PLXNA4: variants seen among roughly 807,000 people sequenced by gnomAD.
PLXNA4 encodes the protein plexin A4, also known as plexin-A4.
In PLXNA4, 44 loss-of-function variants were observed where a neutral mutation model predicts 191.8. The observed-to-expected ratio is 0.23, with a 90% CI of 0.18 to 0.29. PLXNA4 has a LOEUF of 0.29. Among genes scored for constraint, PLXNA4 ranks in the 10% least tolerant of loss-of-function variants. The probability of loss-of-function intolerance (pLI) is 1.00; values close to 1 mark genes in which losing one functional copy is unlikely to be tolerated. For missense variants in PLXNA4, 1,800 were observed against 2,488.8 expected (o/e 0.72, Z 5.89); for synonymous variants, 1,082 against 1,009.5 (o/e 1.07, Z -1.36).
intron 9 of PLXNA4, among the ~76,000 whole-genome samples, chr7:132,214,757 G>C (rs1034617362): frequency 1.3e-5 from 2 of 152,156 alleles, no homozygotes; most frequent in African/African-American, 4.8e-5. Context: ...CACCCAGCAG[G>C]AGTCTGGCTG....
Position 132,596,192 on chromosome 7 carries a change from T to G in PLXNA4, c.-87+49736A>C, listed in dbSNP as rs777754107. Among the ~76,000 whole-genome samples the G allele has an allele frequency of 3.0e-4, 45 of 152,340 alleles. 1 individual carries two copies. Among genetic ancestry groups the G allele is most frequent in the Non-Finnish European group, 6.3e-4 (43 of 68,034 alleles). ...ATAGTTTTGTAAGTGTTGTATATTC[T>G]TGATTTGTATGATTGCTTGTTTCTG... On this transcript the variant is annotated intron_variant, in intron 2 of 4. Transcript: ENST00000378539.
chr7:132,359,381 G>A (rs758280547), intron 3 of PLXNA4, among the ~76,000 whole-genome samples: 2 of 151,642 alleles, frequency 1.3e-5, no homozygotes, highest in Admixed American at 6.6e-5. Flanking sequence ...CCACCATGCC[G>A]GATTTTTGTA....
chr7:132,463,294 C>A (rs1402729667), intron 3 of PLXNA4, among the ~76,000 whole-genome samples: 2 of 152,102 alleles, frequency 1.3e-5, no homozygotes, highest in Admixed American at 1.3e-4. Flanking sequence ...TAGGTTTGAT[C>A]AGTCAGTGGA....
At chr7:132,259,378 G>C (rs11773091) in intron 4 of PLXNA4, among the ~76,000 whole-genome samples, 80,535 of 141,156 alleles carry the variant, frequency 0.57, 23,148 homozygotes, top group East Asian at 0.73. Flanking sequence ...AGAGGTTGCA[G>C]TGAGCCAAGA....
chr7:132,392,225 G>A (rs1361256539), intron 3 of PLXNA4, among the ~76,000 whole-genome samples: 1 of 152,130 alleles, frequency 6.6e-6, no homozygotes, highest in Admixed American at 6.6e-5. Flanking sequence ...TAAGTTCCTG[G>A]AGGGCAGCAT....
At chr7:132,498,712 A>C (rs1053982183) in intron 2 of PLXNA4, among the ~76,000 whole-genome samples, 1 of 152,198 alleles carries the variant, frequency 6.6e-6, no homozygotes, top group African/African-American at 2.4e-5. Context: ...ATAAGTGGGG[A>C]CTATCATATG....
At chr7:132,505,688 C>T (rs1231458161) in intron 2 of PLXNA4, among the ~76,000 whole-genome samples, 1 of 152,170 alleles carries the variant, frequency 6.6e-6, no homozygotes, top group African/African-American at 2.4e-5. Context: ...TTGAGATACT[C>T]AATGCAAAAT....
intron 3 of PLXNA4, among the ~76,000 whole-genome samples, chr7:132,346,009 A>G (rs968444137): frequency 3.3e-5 from 5 of 152,190 alleles, no homozygotes; most frequent in Non-Finnish European, 7.3e-5. Context: ...ATATCATCCC[A>G]GAGCTGGTAC....
At chr7:132,130,765 G>A (rs1005612544) in intron 31 of PLXNA4, among the ~76,000 whole-genome samples, 191 bp from the exon 32 acceptor site, 2 of 152,200 alleles carry the variant, frequency 1.3e-5, no homozygotes, top group African/African-American at 4.8e-5. Flanking sequence ...GGCATAGCAT[G>A]TGAGCATCAG....
intron 3 of PLXNA4, among the ~76,000 whole-genome samples, chr7:132,337,655 C>T (rs898481007): frequency 1.3e-5 from 2 of 152,200 alleles, no homozygotes; most frequent in Non-Finnish European, 2.9e-5. Context: ...TGAGAAAAGA[C>T]AGCCAAGGTA....
At chr7:132,519,187 G>A (rs1448109527) in intron 1 of PLXNA4, among the ~76,000 whole-genome samples, 1 of 152,230 alleles carries the variant, frequency 6.6e-6, no homozygotes, top group Non-Finnish European at 1.5e-5. Context: ...CAGGAATTTG[G>A]AGTCAGATGC....
At chr7:132,614,825 G>C (rs896209183) in intron 2 of PLXNA4, among the ~76,000 whole-genome samples, 8 of 152,190 alleles carry the variant, frequency 5.3e-5, no homozygotes, top group Non-Finnish European at 1.5e-5. Flanking sequence ...ACTGAGCCGC[G>C]GAGAAAAGCA....
At chr7:132,585,855 C>T (rs1412566337) in intron 2 of PLXNA4, among the ~76,000 whole-genome samples, 1 of 152,152 alleles carries the variant, frequency 6.6e-6, no homozygotes, top group Admixed American at 6.5e-5. Context: ...AACCTAATTA[C>T]CTCCCAAAGG....
intron 1 of PLXNA4, among the ~76,000 whole-genome samples, chr7:132,511,804 T>C (rs1798725498): frequency 6.6e-6 from 1 of 152,204 alleles, no homozygotes; most frequent in Non-Finnish European, 1.5e-5. Flanking sequence ...AATTCAAATA[T>C]CAAAGAAGAA....
chr7:132,524,279 G>A (rs1799312192), intron 1 of PLXNA4, among the ~76,000 whole-genome samples: 1 of 152,080 alleles, frequency 6.6e-6, no homozygotes, highest in South Asian at 2.1e-4. Flanking sequence ...TTATTTTTTT[G>A]TGAAGGAAGA....
chr7:132,557,087 C>T (rs10235755), intron 1 of PLXNA4, among the ~76,000 whole-genome samples: 79,820 of 152,080 alleles, frequency 0.52, 21,332 homozygotes, highest in South Asian at 0.64. Context: ...CCACTGGTTA[C>T]GAACCAGCAG....
At chr7:132,557,121 C>T (rs36047882) in intron 1 of PLXNA4, among the ~76,000 whole-genome samples, 7,226 of 152,266 alleles carry the variant, frequency 0.047, 561 homozygotes, top group African/African-American at 0.16. Flanking sequence ...GCCCAGAAAC[C>T]CTGCCACATG....
chr7:132,525,914 G>A (rs1799382859), intron 1 of PLXNA4, among the ~76,000 whole-genome samples: 2 of 152,144 alleles, frequency 1.3e-5, no homozygotes, highest in South Asian at 4.1e-4. Context: ...GAAGGTTTGT[G>A]AAACAGGGTT....
chr7:132,482,136 C>G (rs1797361949), intron 3 of PLXNA4, among the ~76,000 whole-genome samples: 1 of 152,176 alleles, frequency 6.6e-6, no homozygotes, highest in African/African-American at 2.4e-5. Context: ...CCCCAGTGAT[C>G]CCCACCTCTG....
Sources: gnomAD v4.1 joint callset for allele counts (sites outside exome capture counted in the v4.1 genomes callset) on GRCh38, gnomAD v4.1.1 for gene constraint, MANE v1.5 for transcripts, NCBI Gene and HGNC (gene_info 2026-07-23, HGNC 2026-07-21) for gene names.